The following POLR3B variants were observed in gnomAD, a reference collection of about 807,000 sequenced individuals.
The protein encoded by POLR3B is RNA polymerase III subunit B.
In POLR3B, 96 loss-of-function variants were observed where a neutral mutation model predicts 147.4. The observed-to-expected ratio is 0.65, with a 90% CI of 0.55 to 0.77. The LOEUF (loss-of-function observed/expected upper bound fraction) is 0.77, where lower values mean the gene tolerates loss of function less well. Ranked by LOEUF, POLR3B falls within the 30% of genes least tolerant of loss-of-function variation. The probability of loss-of-function intolerance (pLI) is 0.00; values close to 1 mark genes in which losing one functional copy is unlikely to be tolerated. For synonymous variants in POLR3B, 461 were observed against 485.9 expected (o/e 0.95, Z 0.67); for missense variants, 1,036 against 1,413.5 (o/e 0.73, Z 4.28).
At chr12:106,389,534 CTT>C (rs1383662336) in intron 9 of POLR3B, among the ~76,000 whole-genome samples, 1 of 152,006 alleles carries the variant, frequency 6.6e-6, no homozygotes, top group Non-Finnish European at 1.5e-5. Flanking sequence ...TGAGGAAAGA[CTT>C]TTTCGTTACA....
chr12:106,438,986 A>G (rs1301072835), intron 18 of POLR3B, among the ~76,000 whole-genome samples: 1 of 152,210 alleles, frequency 6.6e-6, no homozygotes, highest in Non-Finnish European at 1.5e-5. Context: ...CATGTGACTG[A>G]TGTACCACTT....
intron 23 of POLR3B, among the ~76,000 whole-genome samples, chr12:106,481,396 GGGC>G (rs1477959799): frequency 6.6e-6 from 1 of 152,220 alleles, no homozygotes; most frequent in East Asian, 1.9e-4. Flanking sequence ...CTGATGGATT[GGGC>G]GGCTTTGACT....
intron 23 of POLR3B, among the ~76,000 whole-genome samples, chr12:106,468,095 G>A (rs2038032106): frequency 6.6e-6 from 1 of 152,134 alleles, no homozygotes; most frequent in African/African-American, 2.4e-5. Flanking sequence ...ACTTTTTTTG[G>A]TTGGTAGGCT....
At chr12:106,501,954 T>G (rs545322752) in intron 26 of POLR3B, among the ~76,000 whole-genome samples, 1 of 152,338 alleles carries the variant, frequency 6.6e-6, no homozygotes, top group East Asian at 1.9e-4. Flanking sequence ...AGGTGTACCC[T>G]CAATCCCAAG....
chr12:106,457,286 T>C lies in POLR3B; in HGVS notation c.2442T>C (p.Ile814=). ...WRHEILDADG[I]CSPGEKVENK... ...ATGAAATCTTAGATGCAGATGGTAT[T>C]TGTTCTCCAGGTAAAAGCCTTTTAA... Residue 814 remains isoleucine, a synonymous_variant, in exon 21 of 28, where the codon ATT becomes ATC. Coordinates refer to ENST00000228347, the MANE Select transcript of POLR3B (RefSeq NM_018082.6). 1 of 1,613,494 alleles carries C rather than the reference T, an allele frequency of 6.2e-7. No individual in the cohort carries two copies.
At chr12:106,420,694 G>A (rs746634493) in intron 12 of POLR3B, among the ~76,000 whole-genome samples, 4 of 152,156 alleles carry the variant, frequency 2.6e-5, no homozygotes, top group African/African-American at 7.2e-5. Context: ...GTTCTATCCC[G>A]TTGATTTGGC....
chr12:106,482,967 C>G lies in POLR3B; in HGVS notation c.2714-13088C>G, dbSNP rs866036853. On this transcript the variant is annotated intron_variant, in intron 23 of 27. Coordinates refer to ENST00000228347, the MANE Select transcript of POLR3B (RefSeq NM_018082.6). ...GCCTCATTTTTATCTAAACTGGCAC[C>G]AGGAGTTTCAACACCTAAGACTCAT... 7.2e-5 allele frequency among the ~76,000 whole-genome samples: 11 copies of G among 152,182 alleles called. No individual in the cohort carries two copies. The South Asian group carries it at 2.1e-3, about 29-fold the overall frequency.
rs759926751 is a variant in POLR3B, at chr12:106,433,908, ATC to A, written c.1781+40_1781+41del. The A allele has an allele frequency of 1.3e-5, 20 of 1,540,454 alleles. No homozygotes were observed. In the South Asian group the frequency reaches 2.3e-4, roughly 17 times the overall value. On this transcript the variant is annotated intron_variant, in intron 16 of 27. Coordinates refer to ENST00000228347, the MANE Select transcript of POLR3B (RefSeq NM_018082.6). ...AGGTTACTAAAAAGAGTTTTTAAGAATCTCTTTATATTTGCTCTTGAAAGAAA... is the reference window on the plus strand; with the variant it reads ...AGGTTACTAAAAAGAGTTTTTAAGAATCTTTATATTTGCTCTTGAAAGAAA...
chr12:106,395,839 G>A (rs1209424363), intron 10 of POLR3B, among the ~76,000 whole-genome samples: 2 of 152,028 alleles, frequency 1.3e-5, no homozygotes, highest in Non-Finnish European at 2.9e-5. Flanking sequence ...GCGTGGTGGT[G>A]GGTGCCTGTA....
chr12:106,385,804 G>A (rs2136908619), intron 9 of POLR3B, among the ~76,000 whole-genome samples: 1 of 152,298 alleles, frequency 6.6e-6, no homozygotes, highest in East Asian at 1.9e-4. Flanking sequence ...ACTGTTTATT[G>A]TAGCCTAATG....
At chr12:106,411,084 A>T (rs1218707031) in intron 12 of POLR3B, 124 bp downstream of exon 12, 1 of 804,832 alleles carries the variant, frequency 1.2e-6, no homozygotes, top group Admixed American at 2.3e-5. Flanking sequence ...TAAACATTTC[A>T]TACCTGACTT....
At chr12:106,378,205 A>G (rs2036707836) in intron 7 of POLR3B, 62 bp from the exon 8 acceptor site, 1 of 982,800 alleles carries the variant, frequency 1.0e-6, no homozygotes, top group South Asian at 1.3e-5. Context: ...GATTCCTGCC[A>G]TTACTAAATC....
At chr12:106,463,753 T>A in intron 23 of POLR3B, 133 bp downstream of exon 23, 1 of 765,916 alleles carries the variant, frequency 1.3e-6, no homozygotes, top group Non-Finnish European at 2.2e-6. Context: ...TTAATCTTGT[T>A]TTATTTCTTA....
At chr12:106,405,714 G>A (rs905237012) in intron 10 of POLR3B, 143 bp from the exon 11 acceptor site, 6 of 765,268 alleles carry the variant, frequency 7.8e-6, no homozygotes, top group East Asian at 2.5e-5. Flanking sequence ...TATGATAAAC[G>A]TTGATTTTCA....
At chr12:106,371,493 T>C (rs1488999753) in intron 6 of POLR3B, among the ~76,000 whole-genome samples, 10 of 152,052 alleles carry the variant, frequency 6.6e-5, no homozygotes, top group African/African-American at 2.4e-4. Flanking sequence ...TGCACACGTA[T>C]GTTTATTGTG....
At chr12:106,421,751 G>A (rs888643334) in intron 12 of POLR3B, among the ~76,000 whole-genome samples, 45 of 152,172 alleles carry the variant, frequency 3.0e-4, no homozygotes, top group African/African-American at 1.1e-3. Context: ...CCAGGCTGGA[G>A]TGCAGTGGCA....
intron 25 of POLR3B, chr12:106,500,076 C>T (rs1236153444): frequency 2.2e-6 from 1 of 456,028 alleles, no homozygotes. Flanking sequence ...CTTATCTGAC[C>T]TGTCGGGCGC....
At chr12:106,476,046 T>G (rs1369109422) in intron 23 of POLR3B, among the ~76,000 whole-genome samples, 2 of 150,780 alleles carry the variant, frequency 1.3e-5, no homozygotes, top group East Asian at 3.9e-4. Flanking sequence ...TGAGGAGCTC[T>G]TTTAGGGCAG....
chr12:106,494,550 T>C lies in POLR3B; in HGVS notation c.2714-1505T>C, dbSNP rs139754883. On this transcript the variant is annotated intron_variant, in intron 23 of 27. Coordinates refer to ENST00000228347, the MANE Select transcript of POLR3B (RefSeq NM_018082.6). ...TTTGTTCACTGCTGAACAATGTTGT[T>C]GTCGGTGCACCTAGATTTACAATTT... Among the ~76,000 whole-genome samples, 258 of 152,352 alleles carry C rather than the reference T, an allele frequency of 1.7e-3. 1 individual carries two copies. Among genetic ancestry groups the C allele is most frequent in the African/African-American group, 6.0e-3 (250 of 41,578 alleles).
Sources: allele counts gnomAD v4.1 joint callset (sites outside exome capture counted in the v4.1 genomes callset), GRCh38; gene constraint gnomAD v4.1.1; transcripts MANE v1.5; gene names NCBI Gene and HGNC (gene_info 2026-07-23, HGNC 2026-07-21).